ZFYVE28: variants seen among roughly 807,000 people sequenced by gnomAD.
ZFYVE28 encodes the protein lateral signaling target protein 2 homolog.
Under a neutral mutation model 82.1 loss-of-function variants are expected in ZFYVE28, and 40 were observed. That is an observed-to-expected ratio of 0.49 (90% confidence interval 0.38 to 0.63). The LOEUF is 0.63. Among genes scored for constraint, ZFYVE28 ranks in the 30% least tolerant of loss-of-function variants. The pLI is 0.00. For missense variants in ZFYVE28, 1,321 were observed against 1,242.1 expected (o/e 1.06, Z -0.96); for synonymous variants, 612 against 546.1 (o/e 1.12, Z -1.68).
intron 1 of ZFYVE28, among the ~76,000 whole-genome samples, chr4:2,404,026 A>G (rs1397136113): frequency 6.6e-6 from 1 of 151,172 alleles, no homozygotes; most frequent in African/African-American, 2.4e-5. Flanking sequence ...GCAGTTCCTC[A>G]AAGCTGAAGA....
At chr4:2,346,355 G>A (rs56058511) in intron 2 of ZFYVE28, among the ~76,000 whole-genome samples, 23,431 of 141,952 alleles carry the variant, frequency 0.17, 2,520 homozygotes, top group African/African-American at 0.27. Flanking sequence ...AAAAAAAAAA[G>A]AAAGAAAGAA....
At chr4:2,401,194 T>C (rs1456295945) in intron 1 of ZFYVE28, among the ~76,000 whole-genome samples, 2 of 152,328 alleles carry the variant, frequency 1.3e-5, no homozygotes, top group African/African-American at 4.8e-5. Context: ...CCGAAGGGGA[T>C]GGCCAGTGGA....
chr4:2,402,266 C>A (rs549804499), intron 1 of ZFYVE28, among the ~76,000 whole-genome samples: 1 of 152,320 alleles, frequency 6.6e-6, no homozygotes, highest in East Asian at 1.9e-4. Context: ...GGCCCCTCCT[C>A]CCCAACTCCT....
chr4:2,355,220 A>G (rs1476951943), intron 1 of ZFYVE28, among the ~76,000 whole-genome samples: 2 of 9,154 alleles, frequency 2.2e-4, no homozygotes, highest in Non-Finnish European at 5.1e-4. Context: ...ATATATATAT[A>G]TATATATATA....
Position 2,273,358 on chromosome 4 carries a change from C to A in ZFYVE28, c.2207-69G>T, listed in dbSNP as rs1010049686. The A allele has an allele frequency of 4.2e-6, 6 of 1,422,446 alleles. No homozygotes were observed. The East Asian group carries it at 6.9e-5, about 16-fold the overall frequency. The allele number at this position is 1,422,446 out of a possible 1,614,324, so 88.1% of individuals were successfully genotyped here. A position where few individuals can be genotyped will look rare whatever the true frequency, so the allele number is the denominator to read the frequency against. ...GAAGGAACTGCGGAGGTCGGTGCTG[C>A]GGGCTGGGCAGACCCAGCCAGAGCT... On this transcript the variant is annotated intron_variant, in intron 9 of 12. Coordinates refer to ENST00000290974, the MANE Select transcript of ZFYVE28 (RefSeq NM_020972.3).
In ZFYVE28 at chr4:2,416,229, T is replaced by C. The variant is rs992419116; in HGVS notation, c.39+2056A>G. The stretch of plus-strand genomic sequence containing the variant: ...ACCATGTTCTACCTTTAACCTGTCT[T>C]CCCTAAACGGAAACAGACAAGGCCA... On this transcript the variant is annotated intron_variant, in intron 1 of 12. Transcript: ENST00000290974. This position sits in a 1 kb window ranked among gnomAD's most constrained non-coding sequence, Gnocchi z 4.6. 6.6e-6 allele frequency among the ~76,000 whole-genome samples: 1 copy of C among 152,162 alleles called. No individual in the cohort carries two copies. Among genetic ancestry groups the C allele is most frequent in the Non-Finnish European group, 1.5e-5 (1 of 68,022 alleles).
chr4:2,321,153 C>G (rs1719016722), intron 6 of ZFYVE28, among the ~76,000 whole-genome samples: 1 of 151,996 alleles, frequency 6.6e-6, no homozygotes, highest in African/African-American at 2.4e-5. Context: ...AATTCGTCCC[C>G]TGTCCCTCAT....
chr4:2,339,832 G>A lies in ZFYVE28; in HGVS notation c.319-177C>T, dbSNP rs1722484079. Among the ~76,000 whole-genome samples the A allele has an allele frequency of 6.6e-6, 1 of 151,982 alleles. No individual in the cohort carries two copies. Among genetic ancestry groups the A allele is most frequent in the Non-Finnish European group, 1.5e-5 (1 of 67,982 alleles). ...TTCTTACATTCAGAGCAATCGTGAG[G>A]GCGATAACCGATGTCCCCCAATGTG... On this transcript the variant is annotated intron_variant, in intron 3 of 12. Coordinates refer to ENST00000290974, the MANE Select transcript of ZFYVE28 (RefSeq NM_020972.3). This position sits in a 1 kb window ranked among gnomAD's most constrained non-coding sequence, Gnocchi z 5.0.
At position 2,335,815 on chromosome 4, in the gene ZFYVE28, T is replaced by C; in HGVS notation, c.612-21A>G. The C allele has an allele frequency of 1.3e-6, 2 of 1,542,352 alleles. No individual in the cohort carries two copies. The highest frequency in any genetic ancestry group is 1.8e-6 in the Non-Finnish European group (2 of 1,139,108). On this transcript the variant is annotated intron_variant, in intron 5 of 12. Transcript: ENST00000290974. The surrounding 1 kb of genome is among the most constrained non-coding windows in gnomAD (Gnocchi z 5.8). Reference sequence around the variant, plus strand: ...GGGCCCTGTCCGGGGAGACGGACAGTGAGCAGCATGAGGGCTGGCCCACCA... The same window carrying C: ...GGGCCCTGTCCGGGGAGACGGACAGCGAGCAGCATGAGGGCTGGCCCACCA...
At chr4:2,361,711 A>C (rs544182493) in intron 1 of ZFYVE28, among the ~76,000 whole-genome samples, 1 of 152,320 alleles carries the variant, frequency 6.6e-6, no homozygotes, top group South Asian at 2.1e-4. Context: ...GCCAGATCTC[A>C]GCCCAGGTGT....
intron 7 of ZFYVE28, among the ~76,000 whole-genome samples, chr4:2,318,595 G>A (rs1313378362): frequency 6.6e-6 from 1 of 152,204 alleles, no homozygotes; most frequent in Non-Finnish European, 1.5e-5. Context: ...GATTCTCACT[G>A]TTTTCCCTGG....
At position 2,341,260 on chromosome 4, in the gene ZFYVE28, T is replaced by C. The variant is rs1028597312; in HGVS notation, c.318+218A>G. 1.6e-6 allele frequency: 1 copy of C among 617,290 alleles called. No individual in the cohort carries two copies. The highest frequency in any genetic ancestry group is 2.8e-6 in the Non-Finnish European group (1 of 355,332). The allele number at this position is 617,290 out of a possible 1,614,324, so 38.2% of individuals were successfully genotyped here. ...AACCACATGGGAAATTTCATTTGTA[T>C]GTATAGTTTTGGGGGCACCAGTTCA... On this transcript the variant is annotated intron_variant, in intron 3 of 12. Coordinates refer to ENST00000290974, the MANE Select transcript of ZFYVE28 (RefSeq NM_020972.3). The surrounding 1 kb of genome is among the most constrained non-coding windows in gnomAD (Gnocchi z 4.5).
intron 7 of ZFYVE28, among the ~76,000 whole-genome samples, chr4:2,312,276 T>C (rs2108830716): frequency 6.6e-6 from 1 of 152,326 alleles, no homozygotes; most frequent in East Asian, 1.9e-4. Flanking sequence ...CCAGGCACAG[T>C]GGCTCATGCC....
At chr4:2,368,230 A>AAAAAAAAAAAAAAAC (rs1727123104) in intron 1 of ZFYVE28, among the ~76,000 whole-genome samples, 2 of 148,522 alleles carry the variant, frequency 1.3e-5, no homozygotes, top group African/African-American at 5.0e-5. Context: ...AAAAAAAAAA[A>AAAAAAAAAAAAAAAC]CACTGTATCT....
At chr4:2,282,339 G>A (rs1712074047) in intron 8 of ZFYVE28, among the ~76,000 whole-genome samples, 1 of 152,230 alleles carries the variant, frequency 6.6e-6, no homozygotes, top group African/African-American at 2.4e-5. Context: ...CAATACCAAA[G>A]GCTGCCCAGC....
At chr4:2,349,768 C>G (rs1415953659) in intron 2 of ZFYVE28, among the ~76,000 whole-genome samples, 1 of 151,962 alleles carries the variant, frequency 6.6e-6, no homozygotes, top group Middle Eastern at 3.4e-3. Context: ...ATAAAAATAA[C>G]ATGATAATCT....
chr4:2,381,210 G>A (rs979090129), intron 1 of ZFYVE28, among the ~76,000 whole-genome samples: 1 of 152,190 alleles, frequency 6.6e-6, no homozygotes, highest in Non-Finnish European at 1.5e-5. Context: ...TTTTAGCGAA[G>A]AGACTGGCAG....
In ZFYVE28 at chr4:2,416,295, T is replaced by C. The variant is rs1733026408; in HGVS notation, c.39+1990A>G. Among the ~76,000 whole-genome samples, 1 of 152,182 alleles carries C rather than the reference T, an allele frequency of 6.6e-6. No homozygotes were observed. Among genetic ancestry groups the C allele is most frequent in the African/African-American group, 2.4e-5 (1 of 41,430 alleles). On this transcript the variant is annotated intron_variant, in intron 1 of 12. Coordinates refer to ENST00000290974, the MANE Select transcript of ZFYVE28 (RefSeq NM_020972.3). The surrounding 1 kb of genome is among the most constrained non-coding windows in gnomAD (Gnocchi z 4.6). Reference sequence around the variant, plus strand: ...GCTACTCATGAAACAGAGTCTACAATTATTTTTCCTTCCTTTTCAACACGA... The same window carrying C: ...GCTACTCATGAAACAGAGTCTACAACTATTTTTCCTTCCTTTTCAACACGA...
chr4:2,302,567 G>T (rs1715719877), intron 8 of ZFYVE28, among the ~76,000 whole-genome samples: 1 of 152,242 alleles, frequency 6.6e-6, no homozygotes, highest in Non-Finnish European at 1.5e-5. Context: ...AAGTAGTCTG[G>T]CAGCTCCTCA....
Sources: allele counts gnomAD v4.1 joint callset (sites outside exome capture counted in the v4.1 genomes callset), GRCh38; gene constraint gnomAD v4.1.1; non-coding constraint Gnocchi (gnomAD v3.1); transcripts MANE v1.5; gene names NCBI Gene and HGNC (gene_info 2026-07-23, HGNC 2026-07-21).